Variants in TAOK2 observed in about 807,000 individuals in gnomAD.
TAOK2 encodes the protein TAO kinase 2.
A neutral mutation model predicts 122.5 loss-of-function variants in TAOK2; 42 were observed. That is an observed-to-expected ratio of 0.34 (90% CI 0.27 to 0.44). TAOK2 has a LOEUF of 0.44. TAOK2 is among the 20% of genes least tolerant of loss of function. The pLI is 1.00. For missense variants in TAOK2, 1,264 were observed against 1,644.9 expected, an observed-to-expected ratio of 0.77 and a Z score of 4.01; for synonymous variants, 704 against 677.6, an observed-to-expected ratio of 1.04 and a Z score of -0.61.
rs760047779 is a variant in TAOK2 at position 29,979,315 on chromosome 16, G to A, written c.563+7G>A. 20 of 1,614,030 alleles carry A rather than the reference G, an allele frequency of 1.2e-5. No homozygotes were observed. The highest frequency in any genetic ancestry group is 1.7e-5 in the Non-Finnish European group (20 of 1,179,910). ...TCGTGGGCACCCCATACTGGTGAGT[G>A]AGTGAGTGGTGGTGAGTGGAGAGAC... On this transcript the variant is annotated splice_region_variant and intron_variant, in intron 7 of 15. Transcript: ENST00000308893. This position sits in a 1 kb window ranked among gnomAD's most constrained non-coding sequence, Gnocchi z 4.1.
At chr16:29,977,202 G>C (rs796928255) in intron 1 of TAOK2, among the ~76,000 whole-genome samples, 1 of 151,988 alleles carries the variant, frequency 6.6e-6, no homozygotes, top group Admixed American at 6.6e-5. Flanking sequence ...GTGACTTTGC[G>C]GGCTCCTCTG....
Position 29,983,227 on chromosome 16 carries a change from G to A in TAOK2, c.1155G>A (p.Glu385=). The A allele has an allele frequency of 1.9e-6, 3 of 1,612,142 alleles. No individual in the cohort carries two copies. Residue 385 remains glutamate (E), a synonymous_variant, in exon 12 of 16, where the codon GAG becomes GAA. Coordinates refer to ENST00000308893, the MANE Select transcript of TAOK2 (RefSeq NM_016151.4). The part of the protein sequence containing the change: ...SDNEEEEEEE[E]EEEEEEEGPE... ...ACGAGGAAGAGGAGGAGGAGGAGGA[G>A]GAAGAGGAGGAGGAGGAAGAAGGCC...
chr16:29,986,785 A>T lies in TAOK2; in HGVS notation c.2513A>T (p.Glu838Val). The change falls in exon 16 of 16, where the codon GAA (glutamate) becomes GTA (valine). Residue 838 changes from glutamate to valine, a missense_variant. Transcript: ENST00000308893. This position sits in a 1 kb window ranked among gnomAD's most constrained non-coding sequence, Gnocchi z 4.2. ...AAACATGGGAGCCTGGTTGATGAGGAAGTTTGGGGTCTGCCTGAGGAGATA... is the reference window on the plus strand; with the variant it reads ...AAACATGGGAGCCTGGTTGATGAGGTAGTTTGGGGTCTGCCTGAGGAGATA... The part of the protein sequence containing the change: ...PQKHGSLVDE[E>V]VWGLPEEIEE... 1.2e-6 allele frequency: 2 copies of T among 1,613,524 alleles called. No individual in the cohort carries two copies. The highest frequency in any genetic ancestry group is 2.2e-5 in the South Asian group (2 of 91,036).
In TAOK2 at chr16:29,979,104, G is replaced by A. The variant is rs533349244; in HGVS notation, c.449+34G>A. ...AGCACCGGCAGTGCCTGGGAGGGGA[G>A]TGCTATCTGCACCACCTGTCACTTA... On this transcript the variant is annotated intron_variant, in intron 6 of 15. Coordinates refer to ENST00000308893, the MANE Select transcript of TAOK2 (RefSeq NM_016151.4). This position sits in a 1 kb window ranked among gnomAD's most constrained non-coding sequence, Gnocchi z 4.1. 4 of 1,612,492 alleles carry A rather than the reference G, an allele frequency of 2.5e-6. No homozygotes were observed. The highest frequency in any genetic ancestry group is 2.2e-5 in the South Asian group (2 of 91,056).
intron 5 of TAOK2, 59 bp downstream of exon 5, chr16:29,978,903 A>G: frequency 1.2e-6 from 2 of 1,613,534 alleles, no homozygotes; most frequent in Non-Finnish European, 1.7e-6. Flanking sequence ...GCCATAGGGA[A>G]GGGTTAAGGG....
chr16:29,981,769 T>C lies in TAOK2; in HGVS notation c.749+15T>C. On this transcript the variant is annotated intron_variant, in intron 9 of 15. Coordinates refer to ENST00000308893, the MANE Select transcript of TAOK2 (RefSeq NM_016151.4). ...TCAGGACACTGGTGAGGACTGAGATTCCGAATCTGGGCCCAGGCGTTAGGC... is the reference window on the plus strand; with the variant it reads ...TCAGGACACTGGTGAGGACTGAGATCCCGAATCTGGGCCCAGGCGTTAGGC... The C allele has an allele frequency of 6.2e-7, 1 of 1,613,922 alleles. No homozygotes were observed. The highest frequency in any genetic ancestry group is 8.5e-7 in the Non-Finnish European group (1 of 1,179,772).
chr16:29,983,577 A>T lies in TAOK2; in HGVS notation c.1335A>T (p.Pro445=). The T allele has an allele frequency of 6.2e-7, 1 of 1,613,836 alleles. No individual in the cohort carries two copies. Among genetic ancestry groups the T allele is most frequent in the Non-Finnish European group, 8.5e-7 (1 of 1,179,956 alleles). The change falls in exon 13 of 16, where the codon CCA becomes CCT. Residue 445 remains proline, a synonymous_variant. Coordinates refer to ENST00000308893, the MANE Select transcript of TAOK2 (RefSeq NM_016151.4). ...TPSPLQPPAA[P]APTSTTSSAR... is the part of the protein sequence containing the mutation. ...GCCCTCTCCAGCCGCCTGCAGCCCC[A>T]GCTCCCACTTCCACCACCTCTTCCG...
Position 29,986,680 on chromosome 16 carries a change from G to T in TAOK2, c.2408G>T (p.Gly803Val), listed in dbSNP as rs769037390. The stretch of plus-strand genomic sequence containing the variant: ...GCAGTTGGAGAGAGAAGGATTCTGG[G>T]AAAGGAAGGGGCCACTTTGGAGCCC... ...EEAVGERRIL[G>V]KEGATLEPKQ... is the part of the protein sequence containing the mutation. Residue 803 changes from glycine (G) to valine (V), a missense_variant, in exon 16 of 16, where the codon GGA (glycine) becomes GTA (valine). This residue lies in a region of TAOK2 where 824 missense variants were observed against 908.7 expected (regional missense o/e 0.91). Coordinates refer to ENST00000308893, the MANE Select transcript of TAOK2 (RefSeq NM_016151.4). The surrounding 1 kb of genome is among the most constrained non-coding windows in gnomAD (Gnocchi z 4.2). 6.2e-7 allele frequency: 1 copy of T among 1,613,670 alleles called. No homozygotes were observed. Among genetic ancestry groups the T allele is most frequent in the Non-Finnish European group, 8.5e-7 (1 of 1,179,838 alleles).
chr16:29,988,537 A>T, downstream of TAOK2: 1 of 1,158,306 alleles, frequency 8.6e-7, no homozygotes, highest in Non-Finnish European at 1.1e-6. Flanking sequence ...CTCCAGCCTC[A>T]TGCTCTCTGC....
intron 4 of TAOK2, 134 bp from the exon 5 acceptor site, chr16:29,978,665 C>G (rs1369023562): frequency 2.0e-6 from 2 of 975,758 alleles, no homozygotes; most frequent in Non-Finnish European, 3.2e-6. Flanking sequence ...CCCACCACCC[C>G]CTCATTGTCT....
chr16:29,984,576 T>C lies in TAOK2; in HGVS notation c.1423-637T>C, dbSNP rs539458549. Reference sequence around the variant, plus strand: ...TGTTGTGCGGTACTGTGCTGAGAGGTCTTGACTGCCAGGGGCTTGGCTGCC... The same window carrying C: ...TGTTGTGCGGTACTGTGCTGAGAGGCCTTGACTGCCAGGGGCTTGGCTGCC... On this transcript the variant is annotated intron_variant, in intron 13 of 15. Transcript: ENST00000308893. 3.7e-4 allele frequency among the ~76,000 whole-genome samples: 57 copies of C among 152,052 alleles called. No homozygotes were observed. The South Asian group carries it at 0.011, about 30-fold the overall frequency.
At chr16:29,990,384 CTTTACA>C (rs1245019841), downstream of TAOK2, 5 of 165,078 alleles carry the variant, frequency 3.0e-5, no homozygotes, top group African/African-American at 9.6e-5. Flanking sequence ...TGGAATCATA[CTTTACA>C]TTTACTTTCT....
Position 29,988,033 on chromosome 16 carries a change from A to G in TAOK2, c.*53A>G. On this transcript the variant is annotated 3_prime_UTR_variant, in exon 16 of 16. Transcript: ENST00000308893. Reference sequence around the variant, plus strand: ...TAGAGCATTGAGCACTTTATCTCCCACGACTCAGTGAAGTTTCTCCAGTCC... The same window carrying G: ...TAGAGCATTGAGCACTTTATCTCCCGCGACTCAGTGAAGTTTCTCCAGTCC... The G allele has an allele frequency of 3.4e-6, 5 of 1,485,346 alleles. 1 individual carries two copies. Among genetic ancestry groups the G allele is most frequent in the Non-Finnish European group, 4.4e-6 (5 of 1,126,158 alleles). 92.0% of individuals were successfully genotyped at this position (1,485,346 alleles called of 1,614,324 possible).
In TAOK2 at chr16:29,988,301, T is replaced by C. The variant is rs1490800006; in HGVS notation, c.*321T>C. On this transcript the variant is annotated 3_prime_UTR_variant, in exon 16 of 16. Transcript: ENST00000308893. ...GAAGAGTCATGTTTTTTTTCTCCTC[T>C]TTGATTTTGTTTTTCTGTCTCCCTT... 2.8e-6 allele frequency: 4 copies of C among 1,439,092 alleles called. No individual in the cohort carries two copies. The highest frequency in any genetic ancestry group is 3.7e-6 in the Non-Finnish European group (4 of 1,090,602). The allele number at this position is 1,439,092 out of a possible 1,614,324, so 89.1% of individuals were successfully genotyped here. A position where few individuals can be genotyped will look rare whatever the true frequency, so the allele number is the denominator to read the frequency against.
At chr16:29,989,479 C>T (rs565236637), downstream of TAOK2, 2 of 1,538,630 alleles carry the variant, frequency 1.3e-6, no homozygotes, top group East Asian at 4.8e-5. Flanking sequence ...TGTCTCCTCT[C>T]CTCTTCTCTC....
At position 29,983,740 on chromosome 16, in the gene TAOK2, C is replaced by T. The variant is rs544654643; in HGVS notation, c.1422+76C>T. 26 of 1,539,136 alleles carry T rather than the reference C, an allele frequency of 1.7e-5. 1 individual carries two copies. In the African/African-American group the frequency reaches 2.9e-4, roughly 17 times the overall value. On this transcript the variant is annotated intron_variant, in intron 13 of 15. Transcript: ENST00000308893. Reference sequence around the variant, plus strand: ...TTTTTAAGTCTAGAAATGATTTCCTCCCTGTGGCATGGGATTGAGTCTGGA... The same window carrying T: ...TTTTTAAGTCTAGAAATGATTTCCTTCCTGTGGCATGGGATTGAGTCTGGA...
chr16:29,988,872 G>A (rs2069897055), downstream of TAOK2: 14 of 985,392 alleles, frequency 1.4e-5, no homozygotes, highest in Non-Finnish European at 1.7e-5. Context: ...CCTGGAGTGG[G>A]AGCTGAGTGT....
At chr16:29,989,803 G>GCCA, downstream of TAOK2, 1 of 1,613,414 alleles carries the variant, frequency 6.2e-7, no homozygotes, top group Non-Finnish European at 8.5e-7. Context: ...CAGCTCACAG[G>GCCA]CGGTGAGGCC....
downstream of TAOK2, chr16:29,990,448 A>G (rs1444374396): frequency 9.7e-6 from 2 of 207,126 alleles, no homozygotes; most frequent in African/African-American, 4.6e-5. Flanking sequence ...TTCCCCTGTC[A>G]GTACACCTGT....
Sources: allele counts gnomAD v4.1 joint callset (sites outside exome capture counted in the v4.1 genomes callset), GRCh38; gene constraint gnomAD v4.1.1; regional missense constraint gnomAD v4.1.1; non-coding constraint Gnocchi (gnomAD v3.1); transcripts MANE v1.5; gene names NCBI Gene and HGNC (gene_info 2026-07-23, HGNC 2026-07-21).